Variants in SLC9C1 observed in about 807,000 individuals in gnomAD.
SLC9C1 encodes solute carrier family 9 member C1.
Under a neutral mutation model 140.9 loss-of-function variants are expected in SLC9C1, and 97 were observed. The ratio of observed to expected loss-of-function variants is 0.69; its 90% CI spans 0.58 to 0.82. SLC9C1 has a LOEUF of 0.82. Among genes scored for constraint, SLC9C1 ranks in the 40% least tolerant of loss-of-function variants. The pLI, the probability that SLC9C1 is intolerant of heterozygous loss-of-function variation, is 0.00. For synonymous variants in SLC9C1, 440 were observed against 442.6 expected (o/e 0.99, Z 0.07); for missense variants, 1,340 against 1,389.3 (o/e 0.96, Z 0.56).
intron 10 of SLC9C1, among the ~76,000 whole-genome samples, chr3:112,252,393 TA>T (rs1164445436): frequency 5.3e-5 from 8 of 152,180 alleles, no homozygotes; most frequent in East Asian, 3.8e-4. Flanking sequence ...GGGATGGGGC[TA>T]CCAGAGGGAG....
intron 2 of SLC9C1, 78 bp from the exon 3 acceptor site, chr3:112,280,861 A>G: frequency 7.7e-7 from 1 of 1,302,372 alleles, no homozygotes; most frequent in Non-Finnish European, 1.1e-6. Flanking sequence ...ATTTCTTAAA[A>G]TTGTGAACAA....
intron 26 of SLC9C1, among the ~76,000 whole-genome samples, chr3:112,157,427 T>A (rs758401747): frequency 6.6e-6 from 1 of 152,118 alleles, no homozygotes; most frequent in Non-Finnish European, 1.5e-5. Context: ...TGTAGCTTTG[T>A]AGTATAGTTT....
At chr3:112,290,154 C>G (rs757613944) in intron 1 of SLC9C1, among the ~76,000 whole-genome samples, 1 of 152,176 alleles carries the variant, frequency 6.6e-6, no homozygotes, top group African/African-American at 2.4e-5. Flanking sequence ...CTTGCCCACT[C>G]TTATGCCAAG....
In SLC9C1 at chr3:112,217,502, G is replaced by C. The variant is rs760378439; in HGVS notation, c.1730C>G (p.Ala577Gly). The C allele has an allele frequency of 6.2e-7, 1 of 1,609,990 alleles. No individual in the cohort carries two copies. The highest frequency in any genetic ancestry group is 1.3e-5 in the African/African-American group (1 of 74,684). The change falls in exon 15 of 29, where the codon GCT becomes GGT. Residue 577 changes from alanine (A) to glycine (G), a missense_variant. Ala to Gly is a moderately conservative substitution (Grantham distance 60). Transcript: ENST00000305815. ...CACCCAATTAAGTAGTAGTTTTCTA[G>C]CAAAGGTAACTGTTTTTTGGCTTTC... ...YSESQKTVTF[A>G]RKLLLNWVYN...
chr3:112,236,051 C>T (rs376874179), intron 12 of SLC9C1, among the ~76,000 whole-genome samples: 1 of 152,140 alleles, frequency 6.6e-6, no homozygotes, highest in Non-Finnish European at 1.5e-5. Flanking sequence ...ATGGTACCAG[C>T]TCCTCCTTGT....
intron 8 of SLC9C1, 116 bp downstream of exon 8, chr3:112,266,122 G>T: frequency 1.3e-6 from 1 of 749,276 alleles, no homozygotes; most frequent in Non-Finnish European, 2.2e-6. Flanking sequence ...TTTTAGTTGG[G>T]TAGTTTTCAA....
chr3:112,287,097 C>T (rs1360928409), intron 1 of SLC9C1, among the ~76,000 whole-genome samples: 1 of 152,138 alleles, frequency 6.6e-6, no homozygotes, highest in East Asian at 1.9e-4. Context: ...ACTTACAATG[C>T]CAAGCACTAC....
At chr3:112,214,579 C>A (rs2078302601) in intron 15 of SLC9C1, among the ~76,000 whole-genome samples, 1 of 152,124 alleles carries the variant, frequency 6.6e-6, no homozygotes. Context: ...ATACTATAAA[C>A]ACCTCTACAC....
chr3:112,235,039 T>C (rs2108191825), intron 12 of SLC9C1, among the ~76,000 whole-genome samples: 1 of 151,606 alleles, frequency 6.6e-6, no homozygotes, highest in Non-Finnish European at 1.5e-5. Context: ...TTGATGGGGA[T>C]GGCATTGAAT....
intron 20 of SLC9C1, among the ~76,000 whole-genome samples, chr3:112,190,090 C>T (rs1010866697): frequency 3.9e-5 from 6 of 151,904 alleles, no homozygotes; most frequent in Admixed American, 2.6e-4. Flanking sequence ...TTTTGTATCC[C>T]GAGACTTTGC....
intron 10 of SLC9C1, among the ~76,000 whole-genome samples, chr3:112,247,143 A>C (rs559819239): frequency 2.6e-5 from 4 of 152,306 alleles, no homozygotes; most frequent in Admixed American, 1.3e-4. Context: ...AATGAAGCTA[A>C]TTTTAGAAAA....
At chr3:112,275,174 T>A in intron 5 of SLC9C1, 149 bp from the exon 6 acceptor site, 1 of 758,644 alleles carries the variant, frequency 1.3e-6, no homozygotes. Context: ...TAATTGGCAC[T>A]AAATTAATTA....
chr3:112,263,201 C>G, intron 9 of SLC9C1, 103 bp from the exon 10 acceptor site: 2 of 967,016 alleles, frequency 2.1e-6, no homozygotes, highest in Non-Finnish European at 2.9e-6. Flanking sequence ...TCCTAACTCT[C>G]AAACAAATGA....
intron 7 of SLC9C1, among the ~76,000 whole-genome samples, chr3:112,266,927 T>TA (rs2079933980): frequency 6.6e-6 from 1 of 152,146 alleles, no homozygotes; most frequent in African/African-American, 2.4e-5. Context: ...GTTCTCCACT[T>TA]AAAAAAATTG....
chr3:112,175,986 C>A (rs4682365), intron 23 of SLC9C1, among the ~76,000 whole-genome samples: 45,464 of 152,124 alleles, frequency 0.3, 7,012 homozygotes, highest in East Asian at 0.35. Flanking sequence ...GATTCAGTCC[C>A]TTTCTTAGGA....
At chr3:112,281,986 C>A (rs757492948) in intron 2 of SLC9C1, among the ~76,000 whole-genome samples, 3 of 152,282 alleles carry the variant, frequency 2.0e-5, no homozygotes, top group Admixed American at 1.3e-4. Flanking sequence ...GAGAAAAAAA[C>A]TAATCTAGTT....
At chr3:112,192,064 A>AT (rs57993990) in intron 20 of SLC9C1, among the ~76,000 whole-genome samples, 67,954 of 146,844 alleles carry the variant, frequency 0.46, 15,738 homozygotes, top group East Asian at 0.64. Context: ...GTTTTTTTCC[A>AT]TTTTTTTTTT....
At position 112,264,298 on chromosome 3, in the gene SLC9C1, A is replaced by T; in HGVS notation, c.924T>A (p.Thr308=). 6.7e-7 allele frequency: 1 copy of T among 1,488,366 alleles called. No homozygotes were observed. Among genetic ancestry groups the T allele is most frequent in the Admixed American group, 2.3e-5 (1 of 43,304 alleles). 92.2% of individuals were successfully genotyped at this position (1,488,366 alleles called of 1,614,324 possible). A position where few individuals can be genotyped will look rare whatever the true frequency, so the allele number is the denominator to read the frequency against. ...GTGCAGGAATTAGAAGTCCAAAGAAAGTAAACACCATGAGAAAAGCAATAC... is the reference window on the plus strand; with the variant it reads ...GTGCAGGAATTAGAAGTCCAAAGAATGTAAACACCATGAGAAAAGCAATAC... ...LSRIAFLMVF[T]FFGLLIPAHT... Residue 308 remains threonine (T), a synonymous_variant, in exon 9 of 29, where the codon ACT becomes ACA. Coordinates refer to ENST00000305815, the MANE Select transcript of SLC9C1 (RefSeq NM_183061.3).
chr3:112,197,470 T>A (rs1458278629), intron 20 of SLC9C1, among the ~76,000 whole-genome samples: 1 of 152,092 alleles, frequency 6.6e-6, no homozygotes, highest in Non-Finnish European at 1.5e-5. Flanking sequence ...CTCTTGCAAG[T>A]TGTAAGTTGC....
Sources: gnomAD v4.1 joint callset for allele counts (sites outside exome capture counted in the v4.1 genomes callset) on GRCh38, gnomAD v4.1.1 for gene constraint, MANE v1.5 for transcripts, NCBI Gene and HGNC (gene_info 2026-07-23, HGNC 2026-07-21) for gene names.